Variants in ZFHX4 observed in about 807,000 individuals in gnomAD.
ZFHX4 encodes the protein zinc finger homeobox protein 4.
ZFHX4 carries 56 observed loss-of-function variants against 267.6 expected under a neutral mutation model. The ratio of observed to expected loss-of-function variants is 0.21; its 90% CI spans 0.17 to 0.26. The LOEUF (loss-of-function observed/expected upper bound fraction) is 0.26, where lower values mean the gene tolerates loss of function less well. ZFHX4 is among the 10% of genes least tolerant of loss of function. The pLI is 1.00. For missense variants in ZFHX4, 4,332 were observed against 4,420.0 expected (o/e 0.98, Z 0.56); for synonymous variants, 1,778 against 1,665.6 (o/e 1.07, Z -1.64).
At chr8:76,792,005 A>G (rs914012792) in intron 4 of ZFHX4, among the ~76,000 whole-genome samples, 2 of 152,132 alleles carry the variant, frequency 1.3e-5, no homozygotes, top group East Asian at 3.9e-4. Context: ...TTTGAATTGT[A>G]TTTTTTTCAA....
At chr8:76,789,057 G>A (rs1188014334) in intron 4 of ZFHX4, among the ~76,000 whole-genome samples, 1 of 152,178 alleles carries the variant, frequency 6.6e-6, no homozygotes, top group Non-Finnish European at 1.5e-5. Flanking sequence ...AAAGAAATCA[G>A]CTGGCTTGAT....
chr8:76,710,064 A>G (rs1418700235), intron 3 of ZFHX4, among the ~76,000 whole-genome samples: 2 of 152,178 alleles, frequency 1.3e-5, no homozygotes, highest in East Asian at 3.8e-4. Context: ...AATGTTATAA[A>G]TCATATAAAA....
intron 3 of ZFHX4, among the ~76,000 whole-genome samples, chr8:76,760,227 T>C (rs970364109): frequency 1.3e-5 from 2 of 152,196 alleles, no homozygotes; most frequent in Non-Finnish European, 1.5e-5. Flanking sequence ...ACACAATAAA[T>C]AGGTACATAT....
At chr8:76,782,662 C>T (rs2131784179) in intron 4 of ZFHX4, among the ~76,000 whole-genome samples, 1 of 152,064 alleles carries the variant, frequency 6.6e-6, no homozygotes, top group South Asian at 2.1e-4. Context: ...AGACTATCGA[C>T]ATTCCTGACA....
Position 76,794,578 on chromosome 8 carries a change from A to G in ZFHX4, c.3325+16139A>G, listed in dbSNP as rs74590004. Among the ~76,000 whole-genome samples the G allele has an allele frequency of 2.3e-3, 347 of 152,256 alleles. 5 individuals carry two copies. In the East Asian group the frequency reaches 0.053, roughly 23 times the overall value. Reference sequence around the variant, plus strand: ...CAGAACAATGCGCTGCCACTTCTCTATATACTCTACATGATAAAACCAAGC... The same window carrying G: ...CAGAACAATGCGCTGCCACTTCTCTGTATACTCTACATGATAAAACCAAGC... On this transcript the variant is annotated intron_variant, in intron 4 of 10. Coordinates refer to ENST00000651372, the MANE Select transcript of ZFHX4 (RefSeq NM_024721.5).
rs1175800402 is a variant in ZFHX4, at chr8:76,851,313, C to T, written c.4392C>T (p.Pro1464=). ...TTCAACAGCTATATGCCTCCTTGCC[C>T]GTGAATGGAGAACTGTGGGCAGAGA... ...AELQQLYASL[P]VNGELWAESE... is the part of the protein sequence containing the mutation. Residue 1464 remains proline, a synonymous_variant, in exon 10 of 11, where the codon CCC becomes CCT. Coordinates refer to ENST00000651372, the MANE Select transcript of ZFHX4 (RefSeq NM_024721.5). The T allele has an allele frequency of 1.1e-5, 17 of 1,613,550 alleles. No homozygotes were observed. The highest frequency in any genetic ancestry group is 1.4e-5 in the Non-Finnish European group (17 of 1,179,796).
At position 76,784,444 on chromosome 8, in the gene ZFHX4, G is replaced by A. The variant is rs935594783; in HGVS notation, c.3325+6005G>A. Among the ~76,000 whole-genome samples, 4 of 152,034 alleles carry A rather than the reference G, an allele frequency of 2.6e-5. No individual in the cohort carries two copies. In the South Asian group the frequency reaches 6.2e-4, roughly 24 times the overall value. The stretch of plus-strand genomic sequence containing the variant: ...GTATTTTTTTACCTTGATACAGAAA[G>A]GCAGTCATGTGTGAGATTTAATATA... On this transcript the variant is annotated intron_variant, in intron 4 of 10. Coordinates refer to ENST00000651372, the MANE Select transcript of ZFHX4 (RefSeq NM_024721.5).
chr8:76,822,072 G>A (rs1041520727), intron 4 of ZFHX4, among the ~76,000 whole-genome samples: 1 of 151,580 alleles, frequency 6.6e-6, no homozygotes, highest in Non-Finnish European at 1.5e-5. Context: ...ACCTTTACTT[G>A]CCTATATAAA....
At chr8:76,812,965 G>T (rs771839796) in intron 4 of ZFHX4, among the ~76,000 whole-genome samples, 113 of 152,164 alleles carry the variant, frequency 7.4e-4, no homozygotes, top group Non-Finnish European at 2.5e-4. Context: ...TTAAGATAGT[G>T]ATGGCAGCTG....
chr8:76,773,322 A>G (rs1465636023), intron 3 of ZFHX4, among the ~76,000 whole-genome samples: 2 of 152,194 alleles, frequency 1.3e-5, no homozygotes, highest in East Asian at 3.8e-4. Context: ...AGCAGAATTG[A>G]TCCATAGAGT....
chr8:76,731,781 C>A (rs1239988800), intron 3 of ZFHX4, among the ~76,000 whole-genome samples: 1 of 151,540 alleles, frequency 6.6e-6, no homozygotes, highest in Non-Finnish European at 1.5e-5. Context: ...ACTGGACTTA[C>A]TAATTTTAGC....
chr8:76,758,387 T>C (rs1809820277), intron 3 of ZFHX4, among the ~76,000 whole-genome samples: 3 of 152,020 alleles, frequency 2.0e-5, no homozygotes, highest in African/African-American at 7.3e-5. Context: ...AAAAAGACAA[T>C]GAGATTTTTA....
chr8:76,759,835 G>A (rs1445062573), intron 3 of ZFHX4, among the ~76,000 whole-genome samples: 1 of 151,966 alleles, frequency 6.6e-6, no homozygotes, highest in African/African-American at 2.4e-5. Flanking sequence ...GGAATGAAGT[G>A]GGATGTAAAT....
intron 3 of ZFHX4, among the ~76,000 whole-genome samples, chr8:76,737,175 T>G (rs919542374): frequency 6.6e-6 from 1 of 152,230 alleles, no homozygotes; most frequent in Admixed American, 6.5e-5. Flanking sequence ...AACCTGTATC[T>G]GCTGAGCTAC....
chr8:76,777,885 G>GTT (rs200762181), intron 3 of ZFHX4, among the ~76,000 whole-genome samples: 7 of 131,476 alleles, frequency 5.3e-5, no homozygotes, highest in Non-Finnish European at 8.3e-5. Flanking sequence ...TTTGTTTTTT[G>GTT]TTTTTTTTTT....
chr8:76,682,861 G>A (rs1297466504), intron 1 of ZFHX4, among the ~76,000 whole-genome samples: 2 of 151,830 alleles, frequency 1.3e-5, no homozygotes, highest in Non-Finnish European at 2.9e-5. Context: ...GAATGCGCCG[G>A]GTCTCTCCTT....
chr8:76,770,779 A>AG (rs1335556443), intron 3 of ZFHX4, among the ~76,000 whole-genome samples: 1 of 152,148 alleles, frequency 6.6e-6, no homozygotes, highest in Non-Finnish European at 1.5e-5. Flanking sequence ...AGACAGGTGA[A>AG]GGGGGGAAGG....
intron 3 of ZFHX4, among the ~76,000 whole-genome samples, chr8:76,773,423 G>A (rs1810319706): frequency 6.6e-6 from 1 of 152,098 alleles, no homozygotes; most frequent in African/African-American, 2.4e-5. Flanking sequence ...TTTGTTCAGT[G>A]TTAAGTTTAA....
chr8:76,760,372 C>CA (rs1809877746), intron 3 of ZFHX4, among the ~76,000 whole-genome samples: 1 of 152,116 alleles, frequency 6.6e-6, no homozygotes, highest in Non-Finnish European at 1.5e-5. Context: ...TGAGCATCTA[C>CA]AATGTGCTAA....
Sources: allele counts gnomAD v4.1 joint callset (sites outside exome capture counted in the v4.1 genomes callset), GRCh38; gene constraint gnomAD v4.1.1; transcripts MANE v1.5; gene names NCBI Gene and HGNC (gene_info 2026-07-23, HGNC 2026-07-21).